The following TLE3 variants were observed in gnomAD, a reference collection of about 807,000 sequenced individuals.
TLE3 encodes transducin-like enhancer protein 3.
In TLE3, 14 loss-of-function variants were observed where a neutral mutation model predicts 93.0. That is an observed-to-expected ratio of 0.15 (90% CI 0.10 to 0.24). The LOEUF is 0.24. Among genes scored for constraint, TLE3 ranks in the 10% least tolerant of loss-of-function variants. TLE3 has a pLI of 1.00. For synonymous variants in TLE3, 451 were observed against 425.0 expected (o/e 1.06, Z -0.75); for missense variants, 693 against 1,046.6 (o/e 0.66, Z 4.66).
Position 70,083,387 on chromosome 15 carries a change from C to A in TLE3, c.235-7229G>T, listed in dbSNP as rs146008302. Among the ~76,000 whole-genome samples, 39 of 152,298 alleles carry A rather than the reference C, an allele frequency of 2.6e-4. No individual in the cohort carries two copies. The East Asian group carries it at 7.0e-3, about 27-fold the overall frequency. On this transcript the variant is annotated intron_variant, in intron 4 of 19. Coordinates refer to ENST00000451782, the MANE Select transcript of TLE3 (RefSeq NM_001105192.3). ...TGGTTCCCAAACACACTAAACTCTG[C>A]TTGCCTCCCACCCCTACTTGTGGGG...
chr15:70,049,843 T>C lies in TLE3; in HGVS notation c.*254A>G. On this transcript the variant is annotated 3_prime_UTR_variant, in exon 20 of 20. Transcript: ENST00000451782. ...CATAAGCCTCCAATAAATCTATTTG[T>C]AGCAACTGCCAGCATTGTTCAGGGG... is the stretch of plus-strand genomic sequence containing the variant. 2.5e-6 allele frequency: 1 copy of C among 403,654 alleles called. No individual in the cohort carries two copies. Among genetic ancestry groups the C allele is most frequent in the Admixed American group, 3.6e-5 (1 of 27,712 alleles). 25.0% of individuals were successfully genotyped at this position (403,654 alleles called of 1,614,324 possible). A position where few individuals can be genotyped will look rare whatever the true frequency, so the allele number is the denominator to read the frequency against.
intron 4 of TLE3, among the ~76,000 whole-genome samples, chr15:70,088,975 C>T (rs370527071): frequency 6.6e-6 from 1 of 152,038 alleles, no homozygotes; most frequent in African/African-American, 2.4e-5. Flanking sequence ...TGGGGAGCCG[C>T]GACTGCAAGG....
chr15:70,071,431 C>T (rs190759849), intron 6 of TLE3, among the ~76,000 whole-genome samples: 10 of 152,204 alleles, frequency 6.6e-5, no homozygotes, highest in Admixed American at 1.3e-4. Flanking sequence ...TTCACACATG[C>T]CACCCTGACC....
intron 6 of TLE3, among the ~76,000 whole-genome samples, chr15:70,070,767 G>A (rs922090151): frequency 1.3e-4 from 20 of 152,128 alleles, no homozygotes; most frequent in African/African-American, 3.4e-4. Flanking sequence ...GCTGAAAGAC[G>A]GATCCTAAGG....
At chr15:70,070,334 C>T (rs1004768567) in intron 6 of TLE3, among the ~76,000 whole-genome samples, 2 of 152,238 alleles carry the variant, frequency 1.3e-5, no homozygotes, top group Non-Finnish European at 2.9e-5. Context: ...TTGGATTATG[C>T]ACATCACGCC....
intron 6 of TLE3, among the ~76,000 whole-genome samples, chr15:70,070,717 A>C (rs369592728): frequency 6.6e-6 from 1 of 152,096 alleles, no homozygotes; most frequent in African/African-American, 2.4e-5. Context: ...CAGAGCCCAG[A>C]CTCAAACTCA....
At chr15:70,084,402 G>A (rs925831450) in intron 4 of TLE3, among the ~76,000 whole-genome samples, 1 of 152,348 alleles carries the variant, frequency 6.6e-6, no homozygotes, top group Middle Eastern at 3.4e-3. Flanking sequence ...AAATTATCCA[G>A]TCCCAAATGT....
chr15:70,051,526 C>A (rs750418967), intron 18 of TLE3, 59 bp from the exon 19 acceptor site: 13 of 1,483,612 alleles, frequency 8.8e-6, no homozygotes, highest in Middle Eastern at 1.7e-4. Context: ...TAAAGCAAGA[C>A]CTGCCCTAGA....
In TLE3 at chr15:70,057,548, C is replaced by T. The variant is rs773936346; in HGVS notation, c.1162G>A (p.Gly388Ser). The T allele has an allele frequency of 7.5e-6, 12 of 1,603,720 alleles. No individual in the cohort carries two copies. Among genetic ancestry groups the T allele is most frequent in the East Asian group, 2.3e-5 (1 of 44,412 alleles). The change falls in exon 13 of 20, where the codon GGC becomes AGC. Residue 388 changes from glycine to serine, a missense_variant. Coordinates refer to ENST00000451782, the MANE Select transcript of TLE3 (RefSeq NM_001105192.3). ...GSLTSPGAYA[G>S]LHNIPPQMSA... is the part of the protein sequence containing the mutation. Reference sequence around the variant, plus strand: ...ATCTGGGGTGGGATGTTGTGGAGGCCGGCGTAGGCGCCAGGACTGGTGAGG... The same window carrying T: ...ATCTGGGGTGGGATGTTGTGGAGGCTGGCGTAGGCGCCAGGACTGGTGAGG...
intron 8 of TLE3, 158 bp from the exon 9 acceptor site, chr15:70,060,807 C>G (rs1184966325): frequency 7.8e-7 from 1 of 1,288,874 alleles, no homozygotes. Context: ...CAGAGCCTTG[C>G]CAGGGAAGCC....
intron 2 of TLE3, 51 bp downstream of exon 2, chr15:70,096,109 CA>C (rs1567065448): frequency 1.5e-6 from 2 of 1,366,842 alleles, no homozygotes; most frequent in Non-Finnish European, 1.9e-6. Context: ...AGGAGCCGCG[CA>C]GGGGACCCAC....
At chr15:70,070,655 A>C (rs921201886) in intron 6 of TLE3, among the ~76,000 whole-genome samples, 2 of 152,170 alleles carry the variant, frequency 1.3e-5, no homozygotes, top group Non-Finnish European at 2.9e-5. Flanking sequence ...CCCACTTCAG[A>C]GATGGTGAAC....
At chr15:70,057,342 AGCTGCCTG>A in intron 13 of TLE3, 109 bp downstream of exon 13, 1 of 1,199,336 alleles carries the variant, frequency 8.3e-7, no homozygotes, top group Non-Finnish European at 1.2e-6. Flanking sequence ...CCACAGGGGC[AGCTGCCTG>A]GCCTTGAGAC....
At position 70,058,345 on chromosome 15, in the gene TLE3, G is replaced by A. The variant is rs2056227879; in HGVS notation, c.919-54C>T. 3.9e-6 allele frequency: 6 copies of A among 1,545,254 alleles called. No individual in the cohort carries two copies. Among genetic ancestry groups the A allele is most frequent in the African/African-American group, 2.7e-5 (2 of 72,812 alleles). On this transcript the variant is annotated intron_variant, in intron 11 of 19. Transcript: ENST00000451782. This position sits in a 1 kb window ranked among gnomAD's most constrained non-coding sequence, Gnocchi z 4.1. ...GGCCATGAGGCTTCCATTCTCCTAG[G>A]AGCCGGGCACAACTGGTGCCGGTCC...
At chr15:70,094,688 G>T in intron 3 of TLE3, 112 bp from the exon 4 acceptor site, 1 of 804,946 alleles carries the variant, frequency 1.2e-6, no homozygotes, top group Non-Finnish European at 2.0e-6. Flanking sequence ...CGATACATTT[G>T]CTAAAGAAGT....
intron 5 of TLE3, among the ~76,000 whole-genome samples, chr15:70,075,272 T>C (rs1383898937): frequency 6.6e-6 from 1 of 152,196 alleles, no homozygotes; most frequent in Non-Finnish European, 1.5e-5. Flanking sequence ...ATGTTGATAG[T>C]GGGGAGGATA....
intron 7 of TLE3, among the ~76,000 whole-genome samples, chr15:70,065,349 G>A (rs1226983219): frequency 2.0e-5 from 3 of 152,238 alleles, no homozygotes; most frequent in Non-Finnish European, 4.4e-5. Flanking sequence ...GCAGCTTCAT[G>A]GGTCCTCATG....
intron 13 of TLE3, 150 bp from the exon 14 acceptor site, chr15:70,056,524 TCA>T: frequency 1.4e-6 from 1 of 717,984 alleles, no homozygotes; most frequent in Non-Finnish European, 2.3e-6. Flanking sequence ...GCCCATTGAT[TCA>T]GAGGAGACAC....
intron 4 of TLE3, among the ~76,000 whole-genome samples, chr15:70,091,773 C>T (rs185671425): frequency 4.6e-5 from 7 of 152,270 alleles, no homozygotes; most frequent in African/African-American, 1.4e-4. Flanking sequence ...TGTCAATACC[C>T]GGGCCCATCT....
Sources: gnomAD v4.1 joint callset for allele counts (sites outside exome capture counted in the v4.1 genomes callset) on GRCh38, gnomAD v4.1.1 for gene constraint, Gnocchi (gnomAD v3.1) non-coding constraint, MANE v1.5 for transcripts, NCBI Gene and HGNC (gene_info 2026-07-23, HGNC 2026-07-21) for gene names.